The following CRAMP1 variants were observed in gnomAD, a reference collection of about 807,000 sequenced individuals.
CRAMP1 encodes the protein protein cramped-like.
In CRAMP1, 50 loss-of-function variants were observed where a neutral mutation model predicts 115.4. The observed-to-expected ratio is 0.43, with a 90% confidence interval of 0.35 to 0.55. The LOEUF (loss-of-function observed/expected upper bound fraction) is 0.55, where lower values mean the gene tolerates loss of function less well. CRAMP1 is among the 20% of genes least tolerant of loss of function. The probability of loss-of-function intolerance (pLI) is 0.01; values close to 1 mark genes in which losing one functional copy is unlikely to be tolerated. For synonymous variants in CRAMP1, 866 were observed against 745.4 expected (o/e 1.16, Z -2.64); for missense variants, 1,679 against 1,721.7 (o/e 0.98, Z 0.44).
intron 4 of CRAMP1, 45 bp from the exon 5 acceptor site, chr16:1,637,779 C>T (rs760993310): frequency 7.7e-6 from 8 of 1,037,716 alleles, no homozygotes; most frequent in Non-Finnish European, 1.1e-5. Flanking sequence ...CCAGGCAGCG[C>T]CTCCTGTTCC....
chr16:1,620,815 C>T (rs536167566), intron 2 of CRAMP1: 45 of 411,596 alleles, frequency 1.1e-4, no homozygotes, highest in African/African-American at 8.9e-4. Flanking sequence ...GCTTTCAGAG[C>T]TGTTCTGACG....
In CRAMP1 at chr16:1,619,477, G is replaced by A. The variant is rs187586420; in HGVS notation, c.346+4492G>A. On this transcript the variant is annotated intron_variant, in intron 2 of 20. Transcript: ENST00000397412. ...ATTTCAGGCGTGAGCCACTGCGCCC[G>A]GCACAACAGCGTTTTTAACACTAAA... Among the ~76,000 whole-genome samples the A allele has an allele frequency of 7.2e-5, 11 of 152,270 alleles. No homozygotes were observed. In the South Asian group the frequency reaches 8.3e-4, roughly 11 times the overall value.
chr16:1,625,831 G>A (rs983719577), intron 2 of CRAMP1, 142 bp from the exon 3 acceptor site: 1 of 760,868 alleles, frequency 1.3e-6, no homozygotes, highest in Non-Finnish European at 2.1e-6. Context: ...CGTGGGTCCT[G>A]GGTGCTGCCT....
chr16:1,633,226 A>G (rs1168312587), intron 4 of CRAMP1, among the ~76,000 whole-genome samples: 1 of 152,130 alleles, frequency 6.6e-6, no homozygotes, highest in East Asian at 1.9e-4. Context: ...TGGGTGGGTT[A>G]TGGCATCTTG....
chr16:1,651,761 G>C (rs1370195567), intron 6 of CRAMP1, among the ~76,000 whole-genome samples: 1 of 150,650 alleles, frequency 6.6e-6, no homozygotes, highest in Non-Finnish European at 1.5e-5. Context: ...TAGAGAGGTG[G>C]ACTGAGGTCA....
At chr16:1,659,484 AG>A (rs2036804963) in intron 10 of CRAMP1, among the ~76,000 whole-genome samples, 1 of 151,802 alleles carries the variant, frequency 6.6e-6, no homozygotes, top group African/African-American at 2.4e-5. Flanking sequence ...TCCACCTCCC[AG>A]GTTCACACCA....
At chr16:1,658,922 A>G (rs959322029) in intron 10 of CRAMP1, among the ~76,000 whole-genome samples, 2 of 152,072 alleles carry the variant, frequency 1.3e-5, no homozygotes, top group African/African-American at 4.8e-5. Flanking sequence ...GAGAGCCGAG[A>G]GGCTGGGGTG....
At chr16:1,648,316 G>A (rs2036693702) in intron 6 of CRAMP1, among the ~76,000 whole-genome samples, 1 of 152,112 alleles carries the variant, frequency 6.6e-6, no homozygotes, top group South Asian at 2.1e-4. Context: ...GATTATTTTA[G>A]AATTGACTTG....
intron 4 of CRAMP1, among the ~76,000 whole-genome samples, chr16:1,636,007 G>A (rs1351818467): frequency 6.6e-6 from 1 of 152,190 alleles, no homozygotes; most frequent in African/African-American, 2.4e-5. Context: ...TCCTTTGGGT[G>A]GATGGCCACA....
Position 1,673,937 on chromosome 16 carries a change from T to G in CRAMP1, c.3702T>G (p.Ser1234=). Reference sequence around the variant, plus strand: ...ACGAAAACAGCATTGATTACATTTCTCGGTTCAATGACCTGGCCCAAGAGC... The same window carrying G: ...ACGAAAACAGCATTGATTACATTTCGCGGTTCAATGACCTGGCCCAAGAGC... ...MMNENSIDYI[S]RFNDLAQELS... is the part of the protein sequence containing the mutation. Residue 1234 remains serine, a synonymous_variant, in exon 21 of 21, where the codon TCT becomes TCG. Transcript: ENST00000397412. 1 of 1,613,848 alleles carries G rather than the reference T, an allele frequency of 6.2e-7. No individual in the cohort carries two copies. The highest frequency in any genetic ancestry group is 8.5e-7 in the Non-Finnish European group (1 of 1,179,876).
At chr16:1,617,794 C>T (rs904779630) in intron 2 of CRAMP1, among the ~76,000 whole-genome samples, 1 of 152,054 alleles carries the variant, frequency 6.6e-6, no homozygotes, top group African/African-American at 2.4e-5. Context: ...ATGAAAAATG[C>T]TTTTTTTTCT....
rs552084892 is a variant in CRAMP1 at position 1,656,366 on chromosome 16, G to A, written c.1609G>A (p.Glu537Lys). Reference protein sequence around the residue: ...PAEGRDSPTREPGALPCACGQ... With the variant: ...PAEGRDSPTRKPGALPCACGQ... ...AGAAGGCAGGGACAGTCCCACCCGG[G>A]AGCCAGGGGCCTTGCCGTGTGCCTG... The change falls in exon 10 of 21, where the codon GAG (glutamate) becomes AAG (lysine). Residue 537 changes from glutamate (E) to lysine (K), a missense_variant. By Grantham distance (56) the Glu-to-Lys change is moderately conservative. Coordinates refer to ENST00000397412, the MANE Select transcript of CRAMP1 (RefSeq NM_020825.4). The surrounding 1 kb of genome is among the most constrained non-coding windows in gnomAD (Gnocchi z 5.6). The A allele has an allele frequency of 1.6e-5, 26 of 1,602,186 alleles. No individual in the cohort carries two copies. The East Asian group carries it at 5.6e-4, about 35-fold the overall frequency.
intron 2 of CRAMP1, among the ~76,000 whole-genome samples, chr16:1,619,009 T>A (rs1443273165): frequency 6.6e-6 from 1 of 152,242 alleles, no homozygotes. Flanking sequence ...AGTTGTCTAA[T>A]GAGGTAGACT....
At chr16:1,648,157 G>A (rs2036692431) in intron 6 of CRAMP1, among the ~76,000 whole-genome samples, 1 of 152,016 alleles carries the variant, frequency 6.6e-6, no homozygotes, top group African/African-American at 2.4e-5. Flanking sequence ...GCAGTTTAAC[G>A]GAAAATGTGA....
At chr16:1,660,187 C>T in intron 11 of CRAMP1, 124 bp downstream of exon 11, 1 of 766,890 alleles carries the variant, frequency 1.3e-6, no homozygotes, top group Non-Finnish European at 2.0e-6. Flanking sequence ...GCCAGCTCGC[C>T]ACTATCCAGA....
intron 9 of CRAMP1, 78 bp from the exon 10 acceptor site, chr16:1,655,799 C>A: frequency 6.7e-7 from 1 of 1,495,952 alleles, no homozygotes; most frequent in Non-Finnish European, 9.1e-7. Context: ...GAGCGTGGCT[C>A]GTGTCTGTAC....
chr16:1,636,590 T>G (rs923004898), intron 4 of CRAMP1, among the ~76,000 whole-genome samples: 1 of 152,110 alleles, frequency 6.6e-6, no homozygotes, highest in Non-Finnish European at 1.5e-5. Context: ...GAGAGGACAA[T>G]TGTGAGAGTA....
At chr16:1,629,331 C>T (rs556802173) in intron 3 of CRAMP1, among the ~76,000 whole-genome samples, 1 of 152,320 alleles carries the variant, frequency 6.6e-6, no homozygotes, top group Admixed American at 6.5e-5. Flanking sequence ...CTCCACAGCT[C>T]TGTGGACGCT....
intron 6 of CRAMP1, among the ~76,000 whole-genome samples, chr16:1,649,154 C>T (rs1049994947): frequency 3.3e-5 from 5 of 152,136 alleles, no homozygotes; most frequent in Admixed American, 6.5e-5. Context: ...TCTGTACAGA[C>T]AGAAAGGGGG....
Sources: allele counts gnomAD v4.1 joint callset (sites outside exome capture counted in the v4.1 genomes callset), GRCh38; gene constraint gnomAD v4.1.1; non-coding constraint Gnocchi (gnomAD v3.1); transcripts MANE v1.5; gene names NCBI Gene and HGNC (gene_info 2026-07-23, HGNC 2026-07-21).